The following GFPT1 variants were observed in gnomAD, a reference collection of about 807,000 sequenced individuals.
The protein encoded by GFPT1 is glutamine--fructose-6-phosphate transaminase 1, also known as glutamine--fructose-6-phosphate aminotransferase [isomerizing] 1.
A neutral mutation model predicts 92.0 loss-of-function variants in GFPT1; 40 were observed. That is an observed-to-expected ratio of 0.43 (90% CI 0.34 to 0.57). GFPT1 has a LOEUF of 0.57. Among genes scored for constraint, GFPT1 ranks in the 20% least tolerant of loss-of-function variants. The pLI is 0.02. For synonymous variants in GFPT1, 269 were observed against 280.6 expected (o/e 0.96, Z 0.41); for missense variants, 448 against 869.1 (o/e 0.52, Z 6.09).
Position 69,387,126 on chromosome 2 carries a change from G to C in GFPT1, c.-55C>G. 6.6e-7 allele frequency: 1 copy of C among 1,512,796 alleles called. No homozygotes were observed. The highest frequency in any genetic ancestry group is 8.8e-7 in the Non-Finnish European group (1 of 1,135,926). 93.7% of individuals were successfully genotyped at this position (1,512,796 alleles called of 1,614,324 possible). The stretch of plus-strand genomic sequence containing the variant: ...GGGCGAGTGGCTGGCGGGATCGGGG[G>C]TGCACACACGAGCTTCGGTGGGCAA... On this transcript the variant is annotated 5_prime_UTR_variant, in exon 1 of 20. Transcript: ENST00000357308.
At chr2:69,358,307 C>CCAACA (rs767880621) in intron 6 of GFPT1, 22 bp downstream of exon 6, 20 of 1,599,220 alleles carry the variant, frequency 1.3e-5, no homozygotes, top group Admixed American at 1.7e-5. Context: ...GCATAATTAT[C>CCAACA]TTTAAAAATG....
chr2:69,344,318 A>G (rs139971560), intron 12 of GFPT1, among the ~76,000 whole-genome samples: 1 of 152,238 alleles, frequency 6.6e-6, no homozygotes, highest in East Asian at 1.9e-4. Context: ...AATTAGTCCT[A>G]GAAATTTCTG....
At chr2:69,381,708 C>A (rs1672015152) in intron 1 of GFPT1, among the ~76,000 whole-genome samples, 1 of 136,424 alleles carries the variant, frequency 7.3e-6, no homozygotes, top group Non-Finnish European at 1.5e-5. Context: ...TATGCACCAC[C>A]ATGCCTGGCT....
At chr2:69,370,327 AG>A (rs1574081061) in intron 2 of GFPT1, among the ~76,000 whole-genome samples, 1 of 152,222 alleles carries the variant, frequency 6.6e-6, no homozygotes, top group African/African-American at 2.4e-5. Flanking sequence ...CAAATTTCTA[AG>A]TCTATCGAGA....
At chr2:69,344,769 C>A (rs1270709322) in intron 12 of GFPT1, among the ~76,000 whole-genome samples, 3 of 151,722 alleles carry the variant, frequency 2.0e-5, no homozygotes, top group Non-Finnish European at 4.4e-5. Context: ...TCAGGCTCTT[C>A]AGTAGCCAGG....
rs1422450429 is a variant in GFPT1, at chr2:69,345,940, T to A, written c.1069A>T (p.Thr357Ser). ...TCAAAGTTGACTCTTCCTCTCATTG[T>A]GTTCACGACAGACTCTGGCTGCTCA... is the stretch of plus-strand genomic sequence containing the variant. ...IFEQPESVVN[T>S]MRGRVNFDDY... Residue 357 changes from threonine (T) to serine (S), a missense_variant, in exon 12 of 20, where the codon ACA (threonine) becomes TCA (serine). By Grantham distance (58) the Thr-to-Ser change is moderately conservative. Coordinates refer to ENST00000357308, the MANE Select transcript of GFPT1 (RefSeq NM_001244710.2). 6.2e-7 allele frequency: 1 copy of A among 1,602,182 alleles called. No individual in the cohort carries two copies. Among genetic ancestry groups the A allele is most frequent in the Admixed American group, 1.7e-5 (1 of 60,012 alleles).
intron 9 of GFPT1, among the ~76,000 whole-genome samples, chr2:69,353,125 G>C (rs774528451): frequency 1.3e-5 from 2 of 152,180 alleles, no homozygotes; most frequent in Non-Finnish European, 2.9e-5. Flanking sequence ...GCTGGGCACA[G>C]TGGCTCACAC....
At chr2:69,332,635 A>AT (rs1164754142) in intron 15 of GFPT1, among the ~76,000 whole-genome samples, 2 of 151,376 alleles carry the variant, frequency 1.3e-5, no homozygotes, top group Non-Finnish European at 2.9e-5. Context: ...GGTAGTTCTG[A>AT]TTTTTTTTAA....
chr2:69,327,229 C>T lies in GFPT1; in HGVS notation c.1894-154G>A, dbSNP rs189513278. Among the ~76,000 whole-genome samples the T allele has an allele frequency of 2.2e-4, 33 of 152,276 alleles. No individual in the cohort carries two copies. The East Asian group carries it at 4.0e-3, about 19-fold the overall frequency. Reference sequence around the variant, plus strand: ...TGTGTAGTAAATCTGATTGTTATTACTTATAGTCGAGGAAACAGAAGCGTT... The same window carrying T: ...TGTGTAGTAAATCTGATTGTTATTATTTATAGTCGAGGAAACAGAAGCGTT... On this transcript the variant is annotated intron_variant, in intron 18 of 19. Coordinates refer to ENST00000357308, the MANE Select transcript of GFPT1 (RefSeq NM_001244710.2).
chr2:69,336,422 T>C lies in GFPT1; in HGVS notation c.1482+1476A>G, dbSNP rs76842623. Among the ~76,000 whole-genome samples, 754 of 151,892 alleles carry C rather than the reference T, an allele frequency of 5.0e-3. 6 individuals are homozygous for C. The highest frequency in any genetic ancestry group is 0.017 in the African/African-American group (720 of 41,452). ...CAAACTTTCTACAAAAAATTCTCTA[T>C]GAGAATCTTTGAGGGAAAAGAATTC... On this transcript the variant is annotated intron_variant, in intron 15 of 19. Coordinates refer to ENST00000357308, the MANE Select transcript of GFPT1 (RefSeq NM_001244710.2).
chr2:69,334,954 G>T (rs1441431251), intron 15 of GFPT1, among the ~76,000 whole-genome samples: 1 of 152,104 alleles, frequency 6.6e-6, no homozygotes, highest in Non-Finnish European at 1.5e-5. Flanking sequence ...CTTAAAATTG[G>T]TGAATATGCT....
intron 4 of GFPT1, among the ~76,000 whole-genome samples, chr2:69,362,550 C>A (rs771044836): frequency 7.9e-5 from 12 of 152,080 alleles, no homozygotes; most frequent in Non-Finnish European, 1.6e-4. Context: ...GTAATCCCAG[C>A]ACTTTAGGAG....
chr2:69,348,261 G>C lies in GFPT1; in HGVS notation c.919C>G (p.Leu307Val), dbSNP rs1671130400. 1 of 1,610,748 alleles carries C rather than the reference G, an allele frequency of 6.2e-7. No individual in the cohort carries two copies. The highest frequency in any genetic ancestry group is 1.1e-5 in the South Asian group (1 of 91,030). Reference protein sequence around the residue: ...DDVAAVVDGRLSIHRIKRTAG... With the variant: ...DDVAAVVDGRVSIHRIKRTAG... ...GTTCGTTTAATTCGATGGATAGAAA[G>C]ACGTCCATCCACTACTGCTGCAACA... Residue 307 changes from leucine to valine, a missense_variant, in exon 11 of 20, where the codon CTT becomes GTT. Leu to Val is a conservative substitution (Grantham distance 32, BLOSUM62 1). Transcript: ENST00000357308.
chr2:69,328,697 A>T (rs1670588694), intron 17 of GFPT1, among the ~76,000 whole-genome samples: 1 of 124,552 alleles, frequency 8.0e-6, no homozygotes, highest in African/African-American at 3.3e-5. Flanking sequence ...ATTTCTGGTT[A>T]ACCCTTTTTT....
chr2:69,338,137 C>T (rs1473989782), intron 14 of GFPT1, 82 bp from the exon 15 acceptor site: 3 of 1,165,214 alleles, frequency 2.6e-6, no homozygotes, highest in Non-Finnish European at 3.9e-6. Context: ...AAATTGACCA[C>T]ACTTTCAACA....
Position 69,356,483 on chromosome 2 carries a change from G to C in GFPT1, c.605+13C>G, listed in dbSNP as rs373912247. 11 of 1,577,646 alleles carry C rather than the reference G, an allele frequency of 7.0e-6. No individual in the cohort carries two copies. The highest frequency in any genetic ancestry group is 2.2e-5 in the East Asian group (1 of 44,722). ...TGTTGAAATACATTAGTCATTGTTA[G>C]AGTTATATGTACCTTGTGCCAACTG... On this transcript the variant is annotated intron_variant, in intron 7 of 19. Transcript: ENST00000357308.
chr2:69,379,429 G>C (rs1049311601), intron 1 of GFPT1, among the ~76,000 whole-genome samples: 4 of 152,208 alleles, frequency 2.6e-5, no homozygotes, highest in African/African-American at 9.6e-5. Context: ...TGAGGTGAGA[G>C]AATCACTTGA....
At chr2:69,376,705 T>C (rs1671880257) in intron 1 of GFPT1, among the ~76,000 whole-genome samples, 2 of 152,134 alleles carry the variant, frequency 1.3e-5, no homozygotes, top group South Asian at 4.1e-4. Flanking sequence ...AACTCACTCC[T>C]AAACTCTCTC....
chr2:69,365,022 A>T (rs1032051646), intron 3 of GFPT1, among the ~76,000 whole-genome samples: 15 of 144,748 alleles, frequency 1.0e-4, no homozygotes, highest in African/African-American at 3.2e-4. Context: ...AAAAAAAAAG[A>T]AGTAGCTGAT....
Sources: gnomAD v4.1 joint callset for allele counts (sites outside exome capture counted in the v4.1 genomes callset) on GRCh38, gnomAD v4.1.1 for gene constraint, MANE v1.5 for transcripts, NCBI Gene and HGNC (gene_info 2026-07-23, HGNC 2026-07-21) for gene names.